The following CRTAC1 variants were observed in gnomAD, a reference collection of about 807,000 sequenced individuals.
The protein encoded by CRTAC1 is acidic secreted protein in cartilage.
In CRTAC1, 37 loss-of-function variants were observed where a neutral mutation model predicts 67.8. The observed-to-expected ratio is 0.55, with a 90% CI of 0.42 to 0.72. CRTAC1 has a LOEUF of 0.72. CRTAC1 is among the 30% of genes least tolerant of loss of function. CRTAC1 has a pLI of 0.00. For synonymous variants in CRTAC1, 348 were observed against 371.0 expected (o/e 0.94, Z 0.71); for missense variants, 780 against 931.6 (o/e 0.84, Z 2.12).
chr10:97,935,403 T>G (rs1004261862), intron 3 of CRTAC1, among the ~76,000 whole-genome samples: 35 of 152,218 alleles, frequency 2.3e-4, no homozygotes, highest in African/African-American at 7.5e-4. Context: ...CATCCATTCC[T>G]TAGTGTGCAG....
chr10:97,970,307 C>T (rs1443772386), intron 2 of CRTAC1, among the ~76,000 whole-genome samples: 3 of 152,220 alleles, frequency 2.0e-5, no homozygotes, highest in Non-Finnish European at 4.4e-5. Context: ...CCCTTTCCTT[C>T]CTTCAGTCTA....
chr10:97,912,941 C>T (rs2050708411), intron 5 of CRTAC1, among the ~76,000 whole-genome samples: 1 of 152,222 alleles, frequency 6.6e-6, no homozygotes, highest in African/African-American at 2.4e-5. Context: ...GCACCCTCTG[C>T]ATCAGCAGAG....
chr10:97,953,592 G>A (rs532981371), intron 2 of CRTAC1, among the ~76,000 whole-genome samples: 12 of 152,182 alleles, frequency 7.9e-5, no homozygotes, highest in African/African-American at 2.9e-4. Flanking sequence ...TCATGGCCTC[G>A]TCATCTGCGT....
At chr10:97,882,342 C>G (rs2136539707) in intron 13 of CRTAC1, among the ~76,000 whole-genome samples, 1 of 152,356 alleles carries the variant, frequency 6.6e-6, no homozygotes, top group East Asian at 1.9e-4. Flanking sequence ...AGTACTGCAC[C>G]AGGCTGCAGT....
rs1590223975 is a variant in CRTAC1 at position 97,939,416 on chromosome 10, T to C, written c.225-3050A>G. On this transcript the variant is annotated intron_variant, in intron 2 of 14. Transcript: ENST00000370597. ...GGCTTCCCTAAACTGACATGGTAGC[T>C]TGGGATGCATCCTGACACTCTGGCC... Among the ~76,000 whole-genome samples the C allele has an allele frequency of 2.0e-5, 3 of 152,296 alleles. No individual in the cohort carries two copies. The East Asian group carries it at 5.8e-4, about 29-fold the overall frequency.
intron 2 of CRTAC1, among the ~76,000 whole-genome samples, chr10:97,986,033 T>C (rs531614326): frequency 6.6e-6 from 1 of 152,264 alleles, no homozygotes; most frequent in East Asian, 1.9e-4. Flanking sequence ...ATGCTGTTTA[T>C]GTAGGTTCTG....
Position 98,029,365 on chromosome 10 carries a change from G to A in CRTAC1, c.24+1084C>T, listed in dbSNP as rs1033024338. ...TCCCTTCTTTTCCACTTGGCTTCAC[G>A]TGGAAAGTCCTGCACCCATCCCAGA... On this transcript the variant is annotated intron_variant, in intron 1 of 14. Coordinates refer to ENST00000370597, the MANE Select transcript of CRTAC1 (RefSeq NM_018058.7). This position sits in a 1 kb window ranked among gnomAD's most constrained non-coding sequence, Gnocchi z 4.7. 6.6e-6 allele frequency among the ~76,000 whole-genome samples: 1 copy of A among 152,126 alleles called. No individual in the cohort carries two copies. Among genetic ancestry groups the A allele is most frequent in the Non-Finnish European group, 1.5e-5 (1 of 68,026 alleles).
intron 11 of CRTAC1, among the ~76,000 whole-genome samples, chr10:97,894,552 C>T (rs112076192): frequency 1.1e-4 from 16 of 150,512 alleles, no homozygotes; most frequent in African/African-American, 3.2e-4. Context: ...TGCGCCACCA[C>T]GCTTGGCTAT....
intron 2 of CRTAC1, among the ~76,000 whole-genome samples, chr10:97,972,002 A>T (rs962592071): frequency 2.0e-5 from 3 of 152,172 alleles, no homozygotes; most frequent in Non-Finnish European, 2.9e-5. Context: ...CTAGTTGTCT[A>T]AACTGAGACC....
At chr10:98,017,580 C>T (rs1215991395) in intron 1 of CRTAC1, among the ~76,000 whole-genome samples, 2 of 152,102 alleles carry the variant, frequency 1.3e-5, no homozygotes, top group Non-Finnish European at 2.9e-5. Flanking sequence ...GTCAACTAGG[C>T]TGGAGTGCAG....
intron 2 of CRTAC1, among the ~76,000 whole-genome samples, chr10:97,941,240 C>A (rs960794702): frequency 2.6e-5 from 4 of 152,150 alleles, no homozygotes; most frequent in Admixed American, 2.6e-4. Flanking sequence ...ACTCTCTCTT[C>A]TAGGCCAAGG....
chr10:97,921,625 T>C (rs1048102903), intron 4 of CRTAC1, among the ~76,000 whole-genome samples: 2 of 152,174 alleles, frequency 1.3e-5, no homozygotes, highest in South Asian at 4.1e-4. Context: ...GCTGTTACTG[T>C]TGTCCTTGCT....
At chr10:97,891,897 C>T (rs999796876) in intron 11 of CRTAC1, among the ~76,000 whole-genome samples, 1 of 152,234 alleles carries the variant, frequency 6.6e-6, no homozygotes, top group African/African-American at 2.4e-5. Flanking sequence ...TGAGGCGCCT[C>T]GTGACCCAAG....
chr10:98,021,900 C>A (rs1843129302), intron 1 of CRTAC1, among the ~76,000 whole-genome samples: 1 of 152,190 alleles, frequency 6.6e-6, no homozygotes, highest in Admixed American at 6.5e-5. Flanking sequence ...AAGCACAGAA[C>A]CCCTTAGCAT....
chr10:97,951,733 C>T (rs1412946869), intron 2 of CRTAC1, among the ~76,000 whole-genome samples: 8 of 152,262 alleles, frequency 5.3e-5, no homozygotes, highest in Admixed American at 3.9e-4. Context: ...GGTAAGCAGA[C>T]ATTTTATGGT....
chr10:97,962,808 C>T (rs570867630), intron 2 of CRTAC1, among the ~76,000 whole-genome samples: 2 of 150,240 alleles, frequency 1.3e-5, no homozygotes, highest in East Asian at 2.0e-4. Context: ...GTACACACCC[C>T]GGGCACTCTT....
intron 3 of CRTAC1, among the ~76,000 whole-genome samples, chr10:97,925,129 G>T (rs1052324951): frequency 7.2e-5 from 11 of 152,174 alleles, no homozygotes; most frequent in Admixed American, 1.3e-4. Context: ...AAATTAGCCA[G>T]GTGTGGTGGC....
At chr10:97,912,225 C>T (rs1178856864) in intron 5 of CRTAC1, among the ~76,000 whole-genome samples, 2 of 152,190 alleles carry the variant, frequency 1.3e-5, no homozygotes, top group East Asian at 3.8e-4. Context: ...TATTTACCAC[C>T]TGCTGGGTGA....
At chr10:97,946,756 A>C (rs1259249445) in intron 2 of CRTAC1, among the ~76,000 whole-genome samples, 2 of 152,184 alleles carry the variant, frequency 1.3e-5, no homozygotes, top group Admixed American at 1.3e-4. Context: ...TGGGACCACC[A>C]AGTCACTGTG....
Sources: gnomAD v4.1 joint callset for allele counts (sites outside exome capture counted in the v4.1 genomes callset) on GRCh38, gnomAD v4.1.1 for gene constraint, Gnocchi (gnomAD v3.1) non-coding constraint, MANE v1.5 for transcripts, NCBI Gene and HGNC (gene_info 2026-07-23, HGNC 2026-07-21) for gene names.